DDI2: variants seen among roughly 807,000 people sequenced by gnomAD.
DDI2 encodes the protein DDI proteasomal shuttling factor 2.
In DDI2, 5 loss-of-function variants were observed where a neutral mutation model predicts 48.1. The ratio of observed to expected loss-of-function variants is 0.10; its 90% CI spans 0.05 to 0.22. The LOEUF (loss-of-function observed/expected upper bound fraction) is 0.22. Among genes scored for constraint, DDI2 ranks in the 10% least tolerant of loss-of-function variants. The probability of loss-of-function intolerance (pLI) is 1.00; values close to 1 mark genes in which losing one functional copy is unlikely to be tolerated. For missense variants in DDI2, 285 were observed against 506.2 expected, an observed-to-expected ratio of 0.56 and a Z score of 4.19; for synonymous variants, 205 against 183.6, an observed-to-expected ratio of 1.12 and a Z score of -0.94.
intron 5 of DDI2, among the ~76,000 whole-genome samples, chr1:15,639,543 A>G (rs1259928848): frequency 6.6e-6 from 1 of 152,114 alleles, no homozygotes; most frequent in East Asian, 1.9e-4. Context: ...AGCTCACTTC[A>G]GCCTCCAACT....
chr1:15,624,076 C>T (rs1321231920), intron 1 of DDI2, among the ~76,000 whole-genome samples: 1 of 151,964 alleles, frequency 6.6e-6, no homozygotes, highest in African/African-American at 2.4e-5. Context: ...AAATAAATAC[C>T]GTTAAAATGT....
chr1:15,634,702 T>G (rs564368854), intron 4 of DDI2, among the ~76,000 whole-genome samples: 26 of 151,906 alleles, frequency 1.7e-4, no homozygotes, highest in Non-Finnish European at 2.9e-4. Context: ...CAGCTAATTT[T>G]TTCATTTTTT....
In DDI2 at chr1:15,661,879, C is replaced by A; in HGVS notation, c.*2089C>A. 1.9e-6 allele frequency: 2 copies of A among 1,075,002 alleles called. No homozygotes were observed. The highest frequency in any genetic ancestry group is 2.5e-6 in the Non-Finnish European group (2 of 807,820). 66.6% of individuals were successfully genotyped at this position (1,075,002 alleles called of 1,614,324 possible). ...GATTTTTTTTAAAGATTTTTTTCGGCCAAAGTAATTTATGATCTTTTGTCT... is the reference window on the plus strand; with the variant it reads ...GATTTTTTTTAAAGATTTTTTTCGGACAAAGTAATTTATGATCTTTTGTCT... On this transcript the variant is annotated 3_prime_UTR_variant, in exon 10 of 10. Transcript: ENST00000480945.
chr1:15,617,745 C>G lies in DDI2; in HGVS notation c.75C>G (p.Phe25Leu), dbSNP rs373032236. 6.2e-7 allele frequency: 1 copy of G among 1,610,546 alleles called. No individual in the cohort carries two copies. The change falls in exon 1 of 10, where the codon TTC (phenylalanine) becomes TTG (leucine). Residue 25 changes from phenylalanine to leucine, a missense_variant. Phe to Leu is a conservative substitution (Grantham distance 22). Coordinates refer to ENST00000480945, the MANE Select transcript of DDI2 (RefSeq NM_032341.5). ...TTTCCCTCCAGGTCGACGCCGACTTCGAGCTGCACAACTTCCGCGCGCTGT... is the reference window on the plus strand; with the variant it reads ...TTTCCCTCCAGGTCGACGCCGACTTGGAGCTGCACAACTTCCGCGCGCTGT... The part of the protein sequence containing the change: ...VTFSLQVDAD[F>L]ELHNFRALCE...
Position 15,662,542 on chromosome 1 carries a change from T to G in DDI2, c.*2752T>G, listed in dbSNP as rs1389900782. ...GTCAAGAACTGTGAGGGAAAAATAATGGCCTAAACACTGGAATTTGCTAGA... is the reference window on the plus strand; with the variant it reads ...GTCAAGAACTGTGAGGGAAAAATAAGGGCCTAAACACTGGAATTTGCTAGA... On this transcript the variant is annotated 3_prime_UTR_variant, in exon 10 of 10. Transcript: ENST00000480945. The G allele has an allele frequency of 1.3e-5, 2 of 152,220 alleles. No homozygotes were observed. Among genetic ancestry groups the G allele is most frequent in the African/African-American group, 4.8e-5 (2 of 41,464 alleles). The allele number at this position is 152,220 out of a possible 1,614,324, so 9.4% of individuals were successfully genotyped here. A position where few individuals can be genotyped will look rare whatever the true frequency, so the allele number is the denominator to read the frequency against.
In DDI2 at chr1:15,660,818, T is replaced by C. The variant is rs1374837024; in HGVS notation, c.*1028T>C. The C allele has an allele frequency of 1.9e-6, 3 of 1,614,032 alleles. No homozygotes were observed. The highest frequency in any genetic ancestry group is 2.5e-6 in the Non-Finnish European group (3 of 1,180,034). ...GATTTACAGCCCCCAGAAACTAATG[T>C]TGAAATACCTGGAACAAATAAAGAA... On this transcript the variant is annotated 3_prime_UTR_variant, in exon 10 of 10. Coordinates refer to ENST00000480945, the MANE Select transcript of DDI2 (RefSeq NM_032341.5).
rs1375951395 is a variant in DDI2, at chr1:15,664,649, A to C, written c.*4859A>C. On this transcript the variant is annotated 3_prime_UTR_variant, in exon 10 of 10. Coordinates refer to ENST00000480945, the MANE Select transcript of DDI2 (RefSeq NM_032341.5). ...TGAATTCTGGTTGCCAACAGTAATA[A>C]CCAGTAATGGGCACCTTTACCGGAC... 1 of 152,124 alleles carries C rather than the reference A, an allele frequency of 6.6e-6. No individual in the cohort carries two copies. The highest frequency in any genetic ancestry group is 1.9e-4 in the East Asian group (1 of 5,190). The allele number at this position is 152,124 out of a possible 1,614,324, so 9.4% of individuals were successfully genotyped here.
In DDI2 at chr1:15,660,375, A is replaced by G. The variant is rs753654268; in HGVS notation, c.*585A>G. 2 of 1,614,048 alleles carry G rather than the reference A, an allele frequency of 1.2e-6. No homozygotes were observed. The highest frequency in any genetic ancestry group is 2.2e-5 in the South Asian group (2 of 91,062). On this transcript the variant is annotated 3_prime_UTR_variant, in exon 10 of 10. Coordinates refer to ENST00000480945, the MANE Select transcript of DDI2 (RefSeq NM_032341.5). ...AAGTGAGTGACCCTCAGCAGCACGA[A>G]GAACCAGGGAATGAACAGTATGAGG...
chr1:15,656,321 A>G (rs1170884265), intron 8 of DDI2: 30 of 1,021,184 alleles, frequency 2.9e-5, no homozygotes, highest in Non-Finnish European at 3.7e-5. Context: ...AGGTGGATCT[A>G]CTTTCTTCAC....
At chr1:15,621,443 A>G (rs900881253) in intron 1 of DDI2, among the ~76,000 whole-genome samples, 2 of 152,046 alleles carry the variant, frequency 1.3e-5, no homozygotes, top group Admixed American at 6.6e-5. Context: ...CCTAGGCAGT[A>G]GTGCGCTCAC....
intron 6 of DDI2, among the ~76,000 whole-genome samples, chr1:15,646,453 G>A (rs1028334669): frequency 3.3e-5 from 5 of 152,174 alleles, no homozygotes; most frequent in Non-Finnish European, 7.3e-5. Flanking sequence ...TTGGGACCCC[G>A]AGGCAGGTGG....
rs1341610432 is a variant in DDI2, at chr1:15,665,579, A to G, written c.*5789A>G. ...AAAATTTAGGTTAACTTTTAAGCTCATGTCTATATATATGTGTGTAAGCTA... is the reference window on the plus strand; with the variant it reads ...AAAATTTAGGTTAACTTTTAAGCTCGTGTCTATATATATGTGTGTAAGCTA... On this transcript the variant is annotated 3_prime_UTR_variant, in exon 10 of 10. Transcript: ENST00000480945. 1 of 152,224 alleles carries G rather than the reference A, an allele frequency of 6.6e-6. No individual in the cohort carries two copies. Among genetic ancestry groups the G allele is most frequent in the Non-Finnish European group, 1.5e-5 (1 of 68,046 alleles). The allele number at this position is 152,224 out of a possible 1,614,324, so 9.4% of individuals were successfully genotyped here. A position where few individuals can be genotyped will look rare whatever the true frequency, so the allele number is the denominator to read the frequency against.
chr1:15,657,046 A>G (rs1163576265), intron 9 of DDI2: 2 of 170,332 alleles, frequency 1.2e-5, no homozygotes, highest in Non-Finnish European at 2.5e-5. Context: ...CTTTCCTCTG[A>G]AAAACTGAAA....
chr1:15,658,101 T>G (rs1464702718), intron 9 of DDI2, among the ~76,000 whole-genome samples: 2 of 152,296 alleles, frequency 1.3e-5, no homozygotes, highest in South Asian at 2.1e-4. Flanking sequence ...AATAATAGAT[T>G]GTATTTTGAA....
intron 5 of DDI2, among the ~76,000 whole-genome samples, chr1:15,641,708 A>G (rs1640010466): frequency 6.6e-6 from 1 of 151,928 alleles, no homozygotes; most frequent in South Asian, 2.1e-4. Flanking sequence ...TAATCCCAGC[A>G]CTTTGGGAGG....
Position 15,661,122 on chromosome 1 carries a change from G to C in DDI2, c.*1332G>C. The C allele has an allele frequency of 6.2e-7, 1 of 1,613,960 alleles. No homozygotes were observed. The highest frequency in any genetic ancestry group is 8.5e-7 in the Non-Finnish European group (1 of 1,179,952). On this transcript the variant is annotated 3_prime_UTR_variant, in exon 10 of 10. Coordinates refer to ENST00000480945, the MANE Select transcript of DDI2 (RefSeq NM_032341.5). ...AGTGTCCACAAGTCTCCTTTCATCA[G>C]GCCATATCTGTATCAGTGGAGACAG...
intron 1 of DDI2, among the ~76,000 whole-genome samples, chr1:15,619,450 T>TTTTTC (rs542475993): frequency 2.0e-4 from 30 of 149,604 alleles, no homozygotes; most frequent in African/African-American, 5.7e-4. Flanking sequence ...TGATAGTGGC[T>TTTTTC]TTTTCTTTTC....
intron 1 of DDI2, among the ~76,000 whole-genome samples, chr1:15,623,770 ATAGT>A (rs1454577366): frequency 6.6e-6 from 1 of 151,982 alleles, no homozygotes; most frequent in Non-Finnish European, 1.5e-5. Context: ...TCTCTTATAA[ATAGT>A]TAGTGGCCGG....
chr1:15,652,278 C>T (rs1640198237), intron 8 of DDI2, among the ~76,000 whole-genome samples: 1 of 151,108 alleles, frequency 6.6e-6, no homozygotes, highest in South Asian at 2.1e-4. Flanking sequence ...GGCCTATCTC[C>T]AACTCCTGGG....
Sources: gnomAD v4.1 joint callset for allele counts (sites outside exome capture counted in the v4.1 genomes callset) on GRCh38, gnomAD v4.1.1 for gene constraint, MANE v1.5 for transcripts, NCBI Gene and HGNC (gene_info 2026-07-23, HGNC 2026-07-21) for gene names.